Variants in DPYSL4 observed in about 807,000 individuals in gnomAD.
The protein encoded by DPYSL4 is dihydropyrimidinase like 4.
In DPYSL4, 43 loss-of-function variants were observed where a neutral mutation model predicts 63.4. The observed-to-expected ratio is 0.68, with a 90% confidence interval of 0.53 to 0.88. The LOEUF (loss-of-function observed/expected upper bound fraction) is 0.88, where lower values mean the gene tolerates loss of function less well. Among genes scored for constraint, DPYSL4 ranks in the 40% least tolerant of loss-of-function variants. The pLI is 0.00. For missense variants in DPYSL4, 733 were observed against 819.5 expected, an observed-to-expected ratio of 0.89 and a Z score of 1.29; for synonymous variants, 353 against 331.7, an observed-to-expected ratio of 1.06 and a Z score of -0.70.
rs1290340076 is a variant in DPYSL4, at chr10:132,201,992, C to T, written c.1157C>T (p.Thr386Ile). Reference protein sequence around the residue: ...DENEFVAVTSTNAAKIFNFYP... With the variant: ...DENEFVAVTSINAAKIFNFYP... The stretch of plus-strand genomic sequence containing the variant: ...AATGAGTTCGTCGCGGTGACCAGTA[C>T]AAATGCTGCCAAAATCTTCAATTTT... Residue 386 changes from threonine (T) to isoleucine (I), a missense_variant, in exon 11 of 14, where the codon ACA (threonine) becomes ATA (isoleucine). By Grantham distance (89) the Thr-to-Ile change is moderately conservative. Coordinates refer to ENST00000338492, the MANE Select transcript of DPYSL4 (RefSeq NM_006426.3). 1 of 1,613,354 alleles carries T rather than the reference C, an allele frequency of 6.2e-7. No individual in the cohort carries two copies. Among genetic ancestry groups the T allele is most frequent in the South Asian group, 1.1e-5 (1 of 91,086 alleles).
Position 132,192,350 on chromosome 10 carries a change from C to T in DPYSL4, c.129-308C>T, listed in dbSNP as rs144461251. 767 of 1,039,254 alleles carry T rather than the reference C, an allele frequency of 7.4e-4. 4 individuals are homozygous for T. The highest frequency in any genetic ancestry group is 5.0e-3 in the Middle Eastern group (11 of 2,208). 64.4% of individuals were successfully genotyped at this position (1,039,254 alleles called of 1,614,324 possible). ...ACTGGTGCCCACATCTATTAGCGCA[C>T]CTGCTTCCGTTTGTCAAGCTGCTCC... On this transcript the variant is annotated intron_variant, in intron 2 of 13. Transcript: ENST00000338492.
In DPYSL4 at chr10:132,205,066, C is replaced by A; in HGVS notation, c.*136C>A. 9.8e-6 allele frequency: 6 copies of A among 613,222 alleles called. No homozygotes were observed. The South Asian group carries it at 1.6e-4, about 16-fold the overall frequency. The allele number at this position is 613,222 out of a possible 1,614,324, so 38.0% of individuals were successfully genotyped here. ...GCTTGGCGGTCTTGCCTTCCCCCTC[C>A]CCACAGGCTCTCCTTGTGGGGTCCC... On this transcript the variant is annotated 3_prime_UTR_variant, in exon 14 of 14. Coordinates refer to ENST00000338492, the MANE Select transcript of DPYSL4 (RefSeq NM_006426.3).
In DPYSL4 at chr10:132,192,179, G is replaced by C. The variant is rs182670586; in HGVS notation, c.129-479G>C. On this transcript the variant is annotated intron_variant, in intron 2 of 13. Coordinates refer to ENST00000338492, the MANE Select transcript of DPYSL4 (RefSeq NM_006426.3). ...AACCCATCCTTGGCAGCAGTAAGCT[G>C]GTGGCCACTGTCAGAGCCCCGGCCT... 1.9e-3 allele frequency: 615 copies of C among 323,916 alleles called. 1 individual carries two copies. The highest frequency in any genetic ancestry group is 3.3e-3 in the South Asian group (26 of 7,988). 20.1% of individuals were successfully genotyped at this position (323,916 alleles called of 1,614,324 possible). A position where few individuals can be genotyped will look rare whatever the true frequency, so the allele number is the denominator to read the frequency against.
Position 132,201,856 on chromosome 10 carries a change from TGTG to T in DPYSL4, c.1111-88_1111-86del. 5 of 1,386,870 alleles carry T rather than the reference TGTG, an allele frequency of 3.6e-6. No individual in the cohort carries two copies. In the South Asian group the frequency reaches 6.8e-5, roughly 19 times the overall value. The allele number at this position is 1,386,870 out of a possible 1,614,324, so 85.9% of individuals were successfully genotyped here. On this transcript the variant is annotated intron_variant, in intron 10 of 13. Transcript: ENST00000338492. ...GGCCTGGTGACCTGGCATCCATCCT[TGTG>T]GGGTCCTGGTGGCCCAGTGTCTGTC...
At chr10:132,203,692 C>G in intron 12 of DPYSL4, 70 bp from the exon 13 acceptor site, 2 of 1,365,838 alleles carry the variant, frequency 1.5e-6, no homozygotes, top group Middle Eastern at 2.7e-4. Context: ...CCCTCATGCC[C>G]CATCTCTGGC....
In DPYSL4 at chr10:132,202,680, G is replaced by A; in HGVS notation, c.1316G>A (p.Cys439Tyr). The A allele has an allele frequency of 6.2e-7, 1 of 1,613,106 alleles. No homozygotes were observed. Among genetic ancestry groups the A allele is most frequent in the Non-Finnish European group, 8.5e-7 (1 of 1,179,966 alleles). The change falls in exon 12 of 14, where the codon TGC (cysteine) becomes TAC (tyrosine). Residue 439 changes from cysteine to tyrosine, a missense_variant. Coordinates refer to ENST00000338492, the MANE Select transcript of DPYSL4 (RefSeq NM_006426.3). Reference sequence around the variant, plus strand: ...TACAACATCTTCGAGGGAGTGGAGTGCCGGGGAGCGCCTGCCGTGGTCATA... The same window carrying A: ...TACAACATCTTCGAGGGAGTGGAGTACCGGGGAGCGCCTGCCGTGGTCATA... ...VEYNIFEGVE[C>Y]RGAPAVVISQ...
chr10:132,188,185 G>A (rs1293489112), intron 1 of DPYSL4, among the ~76,000 whole-genome samples: 7 of 152,180 alleles, frequency 4.6e-5, no homozygotes, highest in Admixed American at 4.6e-4. Flanking sequence ...CCCAGGGGAG[G>A]TCAGGCAACC....
chr10:132,195,009 G>A lies in DPYSL4; in HGVS notation c.478G>A (p.Gly160Ser). Residue 160 changes from glycine to serine, a missense_variant and splice_region_variant, in exon 4 of 14, where the codon GGT becomes AGT. By Grantham distance (56) the Gly-to-Ser change is moderately conservative. Transcript: ENST00000338492. The stretch of plus-strand genomic sequence containing the variant: ...GCTGGAGGCCCTGGTCAAGGAGAAG[G>A]GTGAGGGTGGCTGGAGGGGCTGGAG... ...EELEALVKEK[G>S]VNSFLVFMAY... 2 of 1,601,758 alleles carry A rather than the reference G, an allele frequency of 1.2e-6. No homozygotes were observed. Among genetic ancestry groups the A allele is most frequent in the Non-Finnish European group, 1.7e-6 (2 of 1,179,494 alleles).
In DPYSL4 at chr10:132,198,886, C is replaced by T. The variant is rs199540988; in HGVS notation, c.726C>T (p.Ile242=). ...AGGCGGTGTACCGAGCTGTCACCATCGCCAAGCAGGCAAACTGCCCGCTGT... is the reference window on the plus strand; with the variant it reads ...AGGCGGTGTACCGAGCTGTCACCATTGCCAAGCAGGCAAACTGCCCGCTGT... ...EAEAVYRAVT[I]AKQANCPLYV... The change falls in exon 8 of 14, where the codon ATC becomes ATT. Residue 242 remains isoleucine (I), a synonymous_variant. Coordinates refer to ENST00000338492, the MANE Select transcript of DPYSL4 (RefSeq NM_006426.3). 199 of 1,612,996 alleles carry T rather than the reference C, an allele frequency of 1.2e-4. No individual in the cohort carries two copies. The highest frequency in any genetic ancestry group is 3.5e-4 in the South Asian group (32 of 91,080).
intron 8 of DPYSL4, 113 bp downstream of exon 8, chr10:132,199,084 C>T: frequency 7.0e-7 from 1 of 1,426,210 alleles, no homozygotes; most frequent in Non-Finnish European, 9.3e-7. Flanking sequence ...GGGCACTGGA[C>T]CCTGAGTCCC....
At chr10:132,196,193 C>G (rs1043849105) in intron 4 of DPYSL4, among the ~76,000 whole-genome samples, 2 of 152,214 alleles carry the variant, frequency 1.3e-5, no homozygotes, top group African/African-American at 4.8e-5. Context: ...AGGTTGGGAT[C>G]CTGCCTCCAG....
intron 4 of DPYSL4, among the ~76,000 whole-genome samples, chr10:132,196,553 CG>C (rs547835754): frequency 6.6e-6 from 1 of 152,196 alleles, no homozygotes; most frequent in Non-Finnish European, 1.5e-5. Flanking sequence ...CTTCCAGTAA[CG>C]GGGGGTCTGC....
chr10:132,205,012 A>T lies in DPYSL4; in HGVS notation c.*82A>T. ...CAGGGCACTCGCCCCCCTCCTTAGC[A>T]TTTTCTTTTGTAGAAGTTTCTCGAA... is the stretch of plus-strand genomic sequence containing the variant. On this transcript the variant is annotated 3_prime_UTR_variant, in exon 14 of 14. Transcript: ENST00000338492. The T allele has an allele frequency of 8.6e-7, 1 of 1,167,970 alleles. No individual in the cohort carries two copies. The highest frequency in any genetic ancestry group is 2.4e-5 in the Admixed American group (1 of 41,216). 72.4% of individuals were successfully genotyped at this position (1,167,970 alleles called of 1,614,324 possible). A position where few individuals can be genotyped will look rare whatever the true frequency, so the allele number is the denominator to read the frequency against.
rs577480890 is a variant in DPYSL4 at position 132,196,554 on chromosome 10, G to A, written c.479-307G>A. On this transcript the variant is annotated intron_variant, in intron 4 of 13. Transcript: ENST00000338492. Reference sequence around the variant, plus strand: ...CAGGCACAGCGGCTCTTCCAGTAACGGGGGGTCTGCTGGATGGGTGTGAGG... The same window carrying A: ...CAGGCACAGCGGCTCTTCCAGTAACAGGGGGTCTGCTGGATGGGTGTGAGG... Among the ~76,000 whole-genome samples, 519 of 151,760 alleles carry A rather than the reference G, an allele frequency of 3.4e-3. 3 individuals are homozygous for A. The highest frequency in any genetic ancestry group is 0.012 in the African/African-American group (492 of 41,038).
intron 1 of DPYSL4, among the ~76,000 whole-genome samples, chr10:132,187,646 C>T (rs1565035435): frequency 6.6e-6 from 1 of 152,234 alleles, no homozygotes; most frequent in Non-Finnish European, 1.5e-5. Flanking sequence ...CGATTTAGCC[C>T]CGGCCGCTCT....
chr10:132,187,324 A>AGGCCCGGCCC (rs371014123), intron 1 of DPYSL4, among the ~76,000 whole-genome samples: 7 of 149,304 alleles, frequency 4.7e-5, no homozygotes, highest in African/African-American at 7.5e-5. Context: ...CGGGGCGCCC[A>AGGCCCGGCCC]GGCCCGGCCC....
intron 2 of DPYSL4, 68 bp downstream of exon 2, chr10:132,190,903 G>A: frequency 1.3e-6 from 2 of 1,515,200 alleles, no homozygotes; most frequent in Admixed American, 3.5e-5. Flanking sequence ...GTGGTATCCA[G>A]GCAGTTGAAA....
At chr10:132,203,024 G>A (rs1423114336) in intron 12 of DPYSL4, among the ~76,000 whole-genome samples, 199 bp downstream of exon 12, 1 of 152,246 alleles carries the variant, frequency 6.6e-6, no homozygotes, top group Non-Finnish European at 1.5e-5. Context: ...AGGCCCCCAT[G>A]GCACTGGGAC....
In DPYSL4 at chr10:132,205,695, G is replaced by C. The variant is rs919415129; in HGVS notation, c.*765G>C. ...CAGGAACCTGTGCATGCCACCCACC[G>C]CCTGGACAGGCAGTCATCCTGCCTC... On this transcript the variant is annotated 3_prime_UTR_variant, in exon 14 of 14. Transcript: ENST00000338492. 1 of 152,220 alleles carries C rather than the reference G, an allele frequency of 6.6e-6. No homozygotes were observed. Among genetic ancestry groups the C allele is most frequent in the Non-Finnish European group, 1.5e-5 (1 of 68,056 alleles). The allele number at this position is 152,220 out of a possible 1,614,324, so 9.4% of individuals were successfully genotyped here.
Sources: allele counts gnomAD v4.1 joint callset (sites outside exome capture counted in the v4.1 genomes callset), GRCh38; gene constraint gnomAD v4.1.1; transcripts MANE v1.5; gene names NCBI Gene and HGNC (gene_info 2026-07-23, HGNC 2026-07-21).